The following FHIT variants were observed in gnomAD, a reference collection of about 807,000 sequenced individuals.
The protein encoded by FHIT is fragile histidine triad diadenosine triphosphatase, also known as bis(5'-adenosyl)-triphosphatase.
Under a neutral mutation model 17.9 loss-of-function variants are expected in FHIT, and 19 were observed. The ratio of observed to expected loss-of-function variants is 1.06; its 90% CI spans 0.74 to 1.56. The LOEUF is 1.56. Among genes scored for constraint, FHIT ranks in the 40% most tolerant of loss-of-function variants. FHIT has a pLI of 0.00. For missense variants in FHIT, 248 were observed against 189.2 expected, an observed-to-expected ratio of 1.31 and a Z score of -1.82; for synonymous variants, 81 against 69.7, an observed-to-expected ratio of 1.16 and a Z score of -0.81.
chr3:60,908,772 C>T lies in FHIT; in HGVS notation c.-110-86761G>A, dbSNP rs1353547736. Among the ~76,000 whole-genome samples the T allele has an allele frequency of 3.3e-5, 5 of 150,088 alleles. No homozygotes were observed. The Middle Eastern group carries it at 0.01, about 315-fold the overall frequency. On this transcript the variant is annotated intron_variant, in intron 3 of 9. Coordinates refer to ENST00000492590, the MANE Select transcript of FHIT (RefSeq NM_002012.4). The stretch of plus-strand genomic sequence containing the variant: ...AAGAGATAGAAATCATGACCAGAGT[C>T]GAAGCTTGAAAACGCAGGGCAACAC...
chr3:59,866,160 C>A (rs575944225), intron 8 of FHIT, among the ~76,000 whole-genome samples: 216 of 152,210 alleles, frequency 1.4e-3, no homozygotes, highest in African/African-American at 5.1e-3. Flanking sequence ...GGGCCACTTG[C>A]AGAGAGGACA....
At chr3:60,591,901 G>A (rs758305527) in intron 4 of FHIT, among the ~76,000 whole-genome samples, 8 of 151,836 alleles carry the variant, frequency 5.3e-5, no homozygotes, top group Non-Finnish European at 1.0e-4. Context: ...GAGAGTTCGG[G>A]GAGCATTTAC....
At chr3:60,789,093 G>A (rs1227479918) in intron 4 of FHIT, among the ~76,000 whole-genome samples, 4 of 149,514 alleles carry the variant, frequency 2.7e-5, no homozygotes, top group African/African-American at 9.9e-5. Context: ...AGAGAGAGAT[G>A]AGAGTTGAAT....
At chr3:60,823,621 T>C (rs1839068) in intron 3 of FHIT, among the ~76,000 whole-genome samples, 45,852 of 152,056 alleles carry the variant, frequency 0.3, 9,359 homozygotes, top group African/African-American at 0.58. Context: ...CTGCAGATTT[T>C]AGAGGGAGCA....
intron 3 of FHIT, among the ~76,000 whole-genome samples, chr3:61,025,380 C>T (rs2032678700): frequency 6.6e-6 from 1 of 152,170 alleles, no homozygotes; most frequent in South Asian, 2.1e-4. Context: ...CCAAATGTCA[C>T]TCTATATGAT....
At chr3:59,758,108 C>A (rs547795946) in intron 8 of FHIT, among the ~76,000 whole-genome samples, 2 of 152,308 alleles carry the variant, frequency 1.3e-5, no homozygotes, top group East Asian at 1.9e-4. Flanking sequence ...CAAAATAATT[C>A]TTGCTGGAAT....
intron 4 of FHIT, among the ~76,000 whole-genome samples, chr3:60,682,382 A>T (rs2040771380): frequency 6.6e-6 from 1 of 152,216 alleles, no homozygotes; most frequent in African/African-American, 2.4e-5. Flanking sequence ...TCTTCAAAGA[A>T]CAGGCTGATT....
chr3:60,338,477 C>A lies in FHIT; in HGVS notation c.103+198383G>T, dbSNP rs112160080. On this transcript the variant is annotated intron_variant, in intron 5 of 9. Transcript: ENST00000492590. Reference sequence around the variant, plus strand: ...TCAAAGTTCTGTGATTATAGGCATGCGCCACCATGTCTATGTCTGGTCCCA... The same window carrying A: ...TCAAAGTTCTGTGATTATAGGCATGAGCCACCATGTCTATGTCTGGTCCCA... 7.9e-5 allele frequency among the ~76,000 whole-genome samples: 12 copies of A among 152,280 alleles called. No individual in the cohort carries two copies. The East Asian group carries it at 1.3e-3, about 17-fold the overall frequency.
rs904664624 is a variant in FHIT at position 60,575,700 on chromosome 3, C to T, written c.-17-38721G>A. ...ATAAGTTCCAGTTCTTGGAGAGATG[C>T]AAGAACATACTGCTCCTATAAGTTA... On this transcript the variant is annotated intron_variant, in intron 4 of 9. Transcript: ENST00000492590. Among the ~76,000 whole-genome samples, 3 of 152,108 alleles carry T rather than the reference C, an allele frequency of 2.0e-5. No individual in the cohort carries two copies. In the South Asian group the frequency reaches 6.2e-4, roughly 32 times the overall value.
chr3:61,044,170 G>C (rs1224252468), intron 2 of FHIT, among the ~76,000 whole-genome samples: 1 of 152,094 alleles, frequency 6.6e-6, no homozygotes, highest in Non-Finnish European at 1.5e-5. Flanking sequence ...ACGATTGTTA[G>C]TAACAAACTT....
intron 5 of FHIT, among the ~76,000 whole-genome samples, chr3:60,360,079 C>T (rs1328231785): frequency 6.6e-6 from 1 of 150,966 alleles, no homozygotes; most frequent in Non-Finnish European, 1.5e-5. Flanking sequence ...TGAAAGTTCC[C>T]CATTAGGTGC....
intron 5 of FHIT, among the ~76,000 whole-genome samples, chr3:60,194,731 A>G (rs571788486): frequency 3.9e-5 from 6 of 152,198 alleles, no homozygotes; most frequent in Non-Finnish European, 8.8e-5. Context: ...CAAACAAATC[A>G]GCAAGGATAA....
At position 60,577,043 on chromosome 3, in the gene FHIT, G is replaced by T. The variant is rs183636733; in HGVS notation, c.-17-40064C>A. Among the ~76,000 whole-genome samples, 516 of 151,744 alleles carry T rather than the reference G, an allele frequency of 3.4e-3. 3 individuals carry two copies. Among genetic ancestry groups the T allele is most frequent in the African/African-American group, 0.011 (460 of 41,394 alleles). On this transcript the variant is annotated intron_variant, in intron 4 of 9. Transcript: ENST00000492590. ...TTGTCGATCATCACCTTAAAATAGA[G>T]ATCTAATTATGGAAAAAAATTGTAT...
intron 5 of FHIT, among the ~76,000 whole-genome samples, chr3:60,044,195 C>A (rs141939331): frequency 2.0e-5 from 3 of 152,216 alleles, no homozygotes; most frequent in East Asian, 3.9e-4. Flanking sequence ...CATGGGTTTG[C>A]TGAATACAGT....
At chr3:61,005,218 T>C (rs984423785) in intron 3 of FHIT, among the ~76,000 whole-genome samples, 10 of 152,252 alleles carry the variant, frequency 6.6e-5, no homozygotes, top group African/African-American at 2.4e-4. Flanking sequence ...GTCAAATTCC[T>C]AAGCTAATGA....
Position 60,547,667 on chromosome 3 carries a change from A to G in FHIT, c.-17-10688T>C, listed in dbSNP as rs1222934705. Among the ~76,000 whole-genome samples the G allele has an allele frequency of 3.3e-5, 5 of 152,144 alleles. No homozygotes were observed. In the East Asian group the frequency reaches 9.6e-4, roughly 29 times the overall value. On this transcript the variant is annotated intron_variant, in intron 4 of 9. Transcript: ENST00000492590. The stretch of plus-strand genomic sequence containing the variant: ...TCCTATAAACTACCTTTACATCTGC[A>G]TCTCCTACAATTCTCGCCAGCTGGT...
chr3:60,093,156 A>T (rs1029616203), intron 5 of FHIT, among the ~76,000 whole-genome samples: 4 of 152,274 alleles, frequency 2.6e-5, no homozygotes, highest in Admixed American at 2.6e-4. Context: ...TGGGGGTCTG[A>T]CACAGGTCTC....
chr3:61,205,594 G>A (rs144551887), intron 1 of FHIT, among the ~76,000 whole-genome samples: 2,881 of 152,284 alleles, frequency 0.019, 84 homozygotes, highest in African/African-American at 0.065. Context: ...ATTTTTTCAT[G>A]TGTCTTTTGG....
chr3:60,362,868 C>T lies in FHIT; in HGVS notation c.103+173992G>A, dbSNP rs568052334. Among the ~76,000 whole-genome samples the T allele has an allele frequency of 2.6e-5, 4 of 152,160 alleles. No individual in the cohort carries two copies. In the South Asian group the frequency reaches 6.2e-4, roughly 24 times the overall value. ...GACAAATCCCAAACAAAAAGAGGGG[C>T]AAAAAGGCCCGTGTCAGAGAAATCA... On this transcript the variant is annotated intron_variant, in intron 5 of 9. Coordinates refer to ENST00000492590, the MANE Select transcript of FHIT (RefSeq NM_002012.4).
Sources: gnomAD v4.1 joint callset for allele counts (sites outside exome capture counted in the v4.1 genomes callset) on GRCh38, gnomAD v4.1.1 for gene constraint, MANE v1.5 for transcripts, NCBI Gene and HGNC (gene_info 2026-07-23, HGNC 2026-07-21) for gene names.